Variants in TMCO1 observed in about 807,000 individuals in gnomAD.
The protein encoded by TMCO1 is calcium load-activated calcium channel.
TMCO1 carries 29 observed loss-of-function variants against 29.3 expected under a neutral mutation model. That is an observed-to-expected ratio of 0.99 (90% CI 0.74 to 1.35). The LOEUF is 1.35. Among genes scored for constraint, TMCO1 ranks in the 40% most tolerant of loss-of-function variants. The probability of loss-of-function intolerance (pLI) is 0.00; values close to 1 mark genes in which losing one functional copy is unlikely to be tolerated. For synonymous variants in TMCO1, 80 were observed against 77.1 expected, an observed-to-expected ratio of 1.04 and a Z score of -0.20; for missense variants, 173 against 225.5, an observed-to-expected ratio of 0.77 and a Z score of 1.49.
At chr1:165,724,531 T>G, downstream of TMCO1, 1 of 454,112 alleles carries the variant, frequency 2.2e-6, no homozygotes, top group South Asian at 1.6e-5. Flanking sequence ...CCTGGGAATT[T>G]GTTAGAGATG....
chr1:165,768,235 C>T lies in TMCO1; in HGVS notation c.105G>A (p.Lys35=), dbSNP rs772945927. Residue 35 remains lysine, a synonymous_variant, in exon 2 of 7, where the codon AAG becomes AAA. Transcript: ENST00000367881. ...ITWVLVYRTD[K]YKRLKAEVEK... ...CCACTTCTGCCTTCAGTCTCTTGTACTTGTCTGTCCTGTAAACCAGGACCC... is the reference window on the plus strand; with the variant it reads ...CCACTTCTGCCTTCAGTCTCTTGTATTTGTCTGTCCTGTAAACCAGGACCC... 1 of 1,614,022 alleles carries T rather than the reference C, an allele frequency of 6.2e-7. No individual in the cohort carries two copies. The highest frequency in any genetic ancestry group is 1.1e-5 in the South Asian group (1 of 91,088).
At chr1:165,752,655 G>A (rs974118216) in intron 4 of TMCO1, among the ~76,000 whole-genome samples, 13 of 151,344 alleles carry the variant, frequency 8.6e-5, no homozygotes, top group African/African-American at 3.1e-4. Flanking sequence ...TTAGCCAGGC[G>A]TACTGGCGGG....
intron 3 of TMCO1, 90 bp from the exon 4 acceptor site, chr1:165,754,364 G>T: frequency 2.0e-6 from 2 of 984,106 alleles, no homozygotes; most frequent in Non-Finnish European, 3.3e-6. Flanking sequence ...GATTACAAAA[G>T]CACTCTATCT....
In TMCO1 at chr1:165,734,651, G is replaced by A. The variant is rs150192679; in HGVS notation, c.469-6530C>T. On this transcript the variant is annotated intron_variant, in intron 6 of 6. Coordinates refer to ENST00000367881, the MANE Select transcript of TMCO1 (RefSeq NM_019026.6). ...CTCCCAAGTAGCTGGGATTACAGGC[G>A]CCTGCCACCATGCCCGGCTAATTTT... Among the ~76,000 whole-genome samples, 1,011 of 151,974 alleles carry A rather than the reference G, an allele frequency of 6.7e-3. 5 individuals are homozygous for A. The highest frequency in any genetic ancestry group is 0.031 in the Middle Eastern group (9 of 292).
chr1:165,763,520 C>T (rs1379922184), intron 2 of TMCO1, among the ~76,000 whole-genome samples: 1 of 152,128 alleles, frequency 6.6e-6, no homozygotes, highest in East Asian at 1.9e-4. Flanking sequence ...TGAGTCATTC[C>T]AATCATCAAC....
intron 2 of TMCO1, among the ~76,000 whole-genome samples, chr1:165,763,754 T>C (rs1652477544): frequency 6.6e-6 from 1 of 151,984 alleles, no homozygotes. Context: ...GCCTCCCAAG[T>C]AGTTGGGACC....
chr1:165,754,007 C>T (rs1571226049), intron 4 of TMCO1, among the ~76,000 whole-genome samples: 1 of 152,088 alleles, frequency 6.6e-6, no homozygotes, highest in South Asian at 2.1e-4. Context: ...CAAATTATGA[C>T]CTCTGAGACA....
chr1:165,768,110 G>A, intron 2 of TMCO1, 82 bp downstream of exon 2: 1 of 1,180,644 alleles, frequency 8.5e-7, no homozygotes. Context: ...GTATCAGCTG[G>A]TGCTCTTAAA....
At chr1:165,724,986 TTCTCTCTCTCTCTCTCTC>T (rs61515012), downstream of TMCO1, 2,191 of 372,896 alleles carry the variant, frequency 5.9e-3, 22 homozygotes, top group East Asian at 0.033. Flanking sequence ...TATTCTCTCT[TTCTCTCTCTCTCTCTCTC>T]TCTCTCTCTC....
At chr1:165,763,243 A>G (rs1346750421) in intron 2 of TMCO1, among the ~76,000 whole-genome samples, 1 of 152,208 alleles carries the variant, frequency 6.6e-6, no homozygotes, top group Non-Finnish European at 1.5e-5. Flanking sequence ...TGTATTTGCA[A>G]TTAAGACATT....
At chr1:165,752,499 C>G (rs1652038748) in intron 4 of TMCO1, among the ~76,000 whole-genome samples, 1 of 151,810 alleles carries the variant, frequency 6.6e-6, no homozygotes. Flanking sequence ...TTGTGACCCC[C>G]CCGCCTCGGC....
intron 2 of TMCO1, 119 bp from the exon 3 acceptor site, chr1:165,759,703 T>G: frequency 2.5e-6 from 2 of 800,516 alleles, no homozygotes; most frequent in Non-Finnish European, 4.2e-6. Flanking sequence ...ACTGACTGAT[T>G]ATGGTCATGA....
chr1:165,768,838 C>G lies in TMCO1; in HGVS notation c.-87G>C. The stretch of plus-strand genomic sequence containing the variant: ...GTGAAGCGAAAACGGCTTCCGTAGA[C>G]TCCGCCACCACCGAGTAACAGACCA... On this transcript the variant is annotated 5_prime_UTR_variant, in exon 1 of 7. Coordinates refer to ENST00000367881, the MANE Select transcript of TMCO1 (RefSeq NM_019026.6). 4.4e-6 allele frequency: 7 copies of G among 1,592,672 alleles called. No homozygotes were observed. The highest frequency in any genetic ancestry group is 6.0e-6 in the Non-Finnish European group (7 of 1,168,784).
rs73020508 is a variant in TMCO1 at position 165,727,468 on chromosome 1, T to C, written c.*555A>G. 5.6e-3 allele frequency: 2,547 copies of C among 454,032 alleles called. 60 individuals are homozygous for C. Among genetic ancestry groups the C allele is most frequent in the African/African-American group, 0.047 (2,355 of 50,092 alleles). 28.1% of individuals were successfully genotyped at this position (454,032 alleles called of 1,614,324 possible). A position where few individuals can be genotyped will look rare whatever the true frequency, so the allele number is the denominator to read the frequency against. On this transcript the variant is annotated 3_prime_UTR_variant, in exon 7 of 7. Transcript: ENST00000367881. ...TACAGTACCTTAAAAACTTTTATTTTAGTCCTTCCTGGCCCATGCTAAAAC... is the reference window on the plus strand; with the variant it reads ...TACAGTACCTTAAAAACTTTTATTTCAGTCCTTCCTGGCCCATGCTAAAAC...
At chr1:165,737,603 T>C (rs941558981) in intron 6 of TMCO1, among the ~76,000 whole-genome samples, 4 of 152,112 alleles carry the variant, frequency 2.6e-5, no homozygotes, top group African/African-American at 9.7e-5. Flanking sequence ...TGAAAGTAGC[T>C]AGAGAAAAGT....
At chr1:165,750,809 C>T (rs990332286) in intron 5 of TMCO1, among the ~76,000 whole-genome samples, 3 of 152,114 alleles carry the variant, frequency 2.0e-5, no homozygotes, top group African/African-American at 4.8e-5. Context: ...GTGGCTCACG[C>T]CTGTAATCCC....
chr1:165,762,933 A>G (rs937229109), intron 2 of TMCO1, among the ~76,000 whole-genome samples: 11 of 152,346 alleles, frequency 7.2e-5, no homozygotes, highest in African/African-American at 2.6e-4. Flanking sequence ...TAATAGTAAC[A>G]CAATAAAAGA....
At chr1:165,748,198 A>C (rs1394823690) in intron 5 of TMCO1, among the ~76,000 whole-genome samples, 1 of 152,108 alleles carries the variant, frequency 6.6e-6, no homozygotes, top group Admixed American at 6.6e-5. Context: ...ATATATAAAA[A>C]GTTCACTACA....
At position 165,728,660 on chromosome 1, in the gene TMCO1, G is replaced by A. The variant is rs1349472979; in HGVS notation, c.469-539C>T. Reference sequence around the variant, plus strand: ...CCTTGGTCTACTAATGAAAGTGGTTGATTTTTTTCGAGTAGAGAATCATAA... The same window carrying A: ...CCTTGGTCTACTAATGAAAGTGGTTAATTTTTTTCGAGTAGAGAATCATAA... On this transcript the variant is annotated intron_variant, in intron 6 of 6. Transcript: ENST00000367881. Among the ~76,000 whole-genome samples, 3 of 152,096 alleles carry A rather than the reference G, an allele frequency of 2.0e-5. No individual in the cohort carries two copies. The East Asian group carries it at 5.8e-4, about 29-fold the overall frequency.
Sources: gnomAD v4.1 joint callset for allele counts (sites outside exome capture counted in the v4.1 genomes callset) on GRCh38, gnomAD v4.1.1 for gene constraint, MANE v1.5 for transcripts, NCBI Gene and HGNC (gene_info 2026-07-23, HGNC 2026-07-21) for gene names.